The following TMEM132C variants were observed in gnomAD, a reference collection of about 807,000 sequenced individuals.
TMEM132C encodes the protein protein phosphatase 1, regulatory subunit 152.
TMEM132C carries 29 observed loss-of-function variants against 61.4 expected under a neutral mutation model. The ratio of observed to expected loss-of-function variants is 0.47; its 90% CI spans 0.35 to 0.64. The LOEUF is 0.64. Ranked by LOEUF, TMEM132C falls within the 30% of genes least tolerant of loss-of-function variation. The probability of loss-of-function intolerance (pLI) is 0.00; values close to 1 mark genes in which losing one functional copy is unlikely to be tolerated. For synonymous variants in TMEM132C, 656 were observed against 633.1 expected, an observed-to-expected ratio of 1.04 and a Z score of -0.54; for missense variants, 1,408 against 1,476.9, an observed-to-expected ratio of 0.95 and a Z score of 0.76.
At chr12:128,371,731 C>A (rs1874033149) in intron 1 of TMEM132C, among the ~76,000 whole-genome samples, 1 of 152,124 alleles carries the variant, frequency 6.6e-6, no homozygotes, top group African/African-American at 2.4e-5. Flanking sequence ...TGTCACCATG[C>A]TGTGCTAACA....
At chr12:128,686,226 G>A (rs936708607) in intron 5 of TMEM132C, among the ~76,000 whole-genome samples, 2 of 152,200 alleles carry the variant, frequency 1.3e-5, no homozygotes. Flanking sequence ...AGCATAGGGA[G>A]TGTTCAGTGA....
chr12:128,349,630 A>G (rs1873276786), intron 1 of TMEM132C, among the ~76,000 whole-genome samples: 1 of 152,162 alleles, frequency 6.6e-6, no homozygotes, highest in South Asian at 2.1e-4. Flanking sequence ...ACCAATACCT[A>G]TTGGGCTCCT....
intron 1 of TMEM132C, among the ~76,000 whole-genome samples, chr12:128,407,311 C>T (rs1157374346): frequency 6.6e-6 from 1 of 152,230 alleles, no homozygotes; most frequent in Non-Finnish European, 1.5e-5. Flanking sequence ...GAGGCCTCCC[C>T]AGCCATGTGG....
At chr12:128,615,299 G>A (rs565993165) in intron 3 of TMEM132C, among the ~76,000 whole-genome samples, 77 of 152,256 alleles carry the variant, frequency 5.1e-4, no homozygotes, top group Non-Finnish European at 1.0e-3. Flanking sequence ...CGGTGGTGGG[G>A]GAAGGATGGT....
intron 2 of TMEM132C, among the ~76,000 whole-genome samples, chr12:128,526,243 G>A (rs1873081040): frequency 6.6e-6 from 1 of 152,200 alleles, no homozygotes; most frequent in Non-Finnish European, 1.5e-5. Context: ...CCATAGGCTG[G>A]GTGGCTTATA....
rs1465922875 is a variant in TMEM132C at position 128,544,037 on chromosome 12, G to A, written c.1055G>A (p.Gly352Asp). The change falls in exon 3 of 9, where the codon GGC becomes GAC. Residue 352 changes from glycine (G) to aspartate (D), a missense_variant. Coordinates refer to ENST00000435159, the MANE Select transcript of TMEM132C (RefSeq NM_001136103.3). Reference sequence around the variant, plus strand: ...CAGTGGGGCGTCAAGCAGGAGGTGGGCAGCGGCGGAAAGCACGTGACGGCC... The same window carrying A: ...CAGTGGGGCGTCAAGCAGGAGGTGGACAGCGGCGGAAAGCACGTGACGGCC... ...PRQWGVKQEV[G>D]SGGKHVTATV... 6.5e-7 allele frequency: 1 copy of A among 1,548,244 alleles called. No individual in the cohort carries two copies. The highest frequency in any genetic ancestry group is 8.7e-7 in the Non-Finnish European group (1 of 1,145,490).
At chr12:128,667,331 T>G in intron 4 of TMEM132C, among the ~76,000 whole-genome samples, 1 of 152,076 alleles carries the variant, frequency 6.6e-6, no homozygotes, top group Non-Finnish European at 1.5e-5. Context: ...AGAGAGAAAA[T>G]GTAAAGACTG....
At chr12:128,694,457 G>A (rs1954742464) in intron 6 of TMEM132C, among the ~76,000 whole-genome samples, 1 of 152,200 alleles carries the variant, frequency 6.6e-6, no homozygotes, top group Non-Finnish European at 1.5e-5. Flanking sequence ...TCTAGTGGAT[G>A]CTGGAATCAT....
chr12:128,685,049 C>A (rs1031976228), intron 5 of TMEM132C, among the ~76,000 whole-genome samples: 1 of 152,152 alleles, frequency 6.6e-6, no homozygotes, highest in African/African-American at 2.4e-5. Flanking sequence ...CCCTCCAGGA[C>A]AAGAAGCTCT....
intron 3 of TMEM132C, among the ~76,000 whole-genome samples, chr12:128,606,086 G>A (rs545037055): frequency 6.6e-6 from 1 of 152,322 alleles, no homozygotes; most frequent in East Asian, 1.9e-4. Context: ...TGCTTGGGCT[G>A]GGGGCTATCT....
At chr12:128,328,786 T>A (rs1593012866) in intron 1 of TMEM132C, among the ~76,000 whole-genome samples, 1 of 94,228 alleles carries the variant, frequency 1.1e-5, no homozygotes. Flanking sequence ...GATTCTGTCT[T>A]AAAAAAAAAA....
At chr12:128,598,405 C>T (rs1876046354) in intron 3 of TMEM132C, among the ~76,000 whole-genome samples, 1 of 152,114 alleles carries the variant, frequency 6.6e-6, no homozygotes, top group South Asian at 2.1e-4. Flanking sequence ...CCCTGCACTC[C>T]AGCCAGAGCA....
At chr12:128,690,508 T>C (rs74734151) in intron 5 of TMEM132C, among the ~76,000 whole-genome samples, 2,308 of 152,248 alleles carry the variant, frequency 0.015, 51 homozygotes, top group South Asian at 0.096. Context: ...ATTATTTATA[T>C]ATTCGGGAGC....
Position 128,705,971 on chromosome 12 carries a change from A to G in TMEM132C, c.3003A>G (p.Gly1001=). The change falls in exon 9 of 9, where the codon GGA becomes GGG. Residue 1001 remains glycine (G), a synonymous_variant. Transcript: ENST00000435159. ...QDEHTTIIDR[G]PGACEESNHL... ...AGCACACCACCATCATAGACCGCGG[A>G]CCGGGGGCCTGCGAGGAGAGCAACC... 6.4e-7 allele frequency: 1 copy of G among 1,551,518 alleles called. No individual in the cohort carries two copies. The highest frequency in any genetic ancestry group is 1.2e-5 in the South Asian group (1 of 84,056).
At chr12:128,359,997 T>C (rs1873646771) in intron 1 of TMEM132C, among the ~76,000 whole-genome samples, 1 of 152,220 alleles carries the variant, frequency 6.6e-6, no homozygotes, top group Admixed American at 6.5e-5. Flanking sequence ...ATTTAAATTC[T>C]GTTAAATTGC....
At chr12:128,324,881 T>G (rs1050585709) in intron 1 of TMEM132C, among the ~76,000 whole-genome samples, 1 of 152,232 alleles carries the variant, frequency 6.6e-6, no homozygotes, top group Admixed American at 6.5e-5. Context: ...GAACATGATC[T>G]TCAAGAACGA....
intron 1 of TMEM132C, among the ~76,000 whole-genome samples, chr12:128,323,864 A>G (rs908846425): frequency 6.6e-6 from 1 of 152,154 alleles, no homozygotes; most frequent in African/African-American, 2.4e-5. Context: ...GGCGGCATCG[A>G]TTAAGAGAGG....
At chr12:128,392,431 A>T (rs1375461443) in intron 1 of TMEM132C, among the ~76,000 whole-genome samples, 2 of 152,162 alleles carry the variant, frequency 1.3e-5, no homozygotes, top group Non-Finnish European at 2.9e-5. Flanking sequence ...AACGTCATGG[A>T]GGAGCACAGT....
At chr12:128,338,778 T>TATATATATATATATATATATA (rs1565905372) in intron 1 of TMEM132C, among the ~76,000 whole-genome samples, 20 of 129,426 alleles carry the variant, frequency 1.5e-4, no homozygotes, top group African/African-American at 8.4e-4. Context: ...ATATATATAT[T>TATATATATATATATATATATA]TTGCACAAAG....
Sources: allele counts gnomAD v4.1 joint callset (sites outside exome capture counted in the v4.1 genomes callset), GRCh38; gene constraint gnomAD v4.1.1; transcripts MANE v1.5; gene names NCBI Gene and HGNC (gene_info 2026-07-23, HGNC 2026-07-21).